The following MFHAS1 variants were observed in gnomAD, a reference collection of about 807,000 sequenced individuals.
MFHAS1 encodes multifunctional ROCO family signaling regulator 1, also known as malignant fibrous histiocytoma-amplified sequence 1.
In MFHAS1, 50 loss-of-function variants were observed where a neutral mutation model predicts 70.4. The ratio of observed to expected loss-of-function variants is 0.71; its 90% CI spans 0.57 to 0.90. The LOEUF is 0.90. Ranked by LOEUF, MFHAS1 falls within the 40% of genes least tolerant of loss-of-function variation. MFHAS1 has a pLI of 0.00. For synonymous variants in MFHAS1, 952 were observed against 620.0 expected (o/e 1.54, Z -7.96); for missense variants, 1,795 against 1,347.6 (o/e 1.33, Z -5.20).
intron 1 of MFHAS1, among the ~76,000 whole-genome samples, chr8:8,845,317 A>G (rs907180): frequency 0.51 from 76,969 of 152,092 alleles, 20,060 homozygotes; most frequent in East Asian, 0.73. Context: ...ATCAATACCA[A>G]TATTGGCAAG....
chr8:8,807,625 C>G (rs1375135734), intron 1 of MFHAS1, among the ~76,000 whole-genome samples: 2 of 152,160 alleles, frequency 1.3e-5, no homozygotes, highest in African/African-American at 4.8e-5. Context: ...GTACCCCCTA[C>G]AATGAAAAGA....
rs1318657831 is a variant in MFHAS1, at chr8:8,892,291, C to G, written c.768G>C (p.Met256Ile). Reference protein sequence around the residue: ...FCELASLESLMLDNNGLQALP... With the variant: ...FCELASLESLILDNNGLQALP... ...GAGCCTGCAGCCCGTTGTTGTCTAG[C>G]ATGAGGCTCTCCAAACTGGCCAGCT... The change falls in exon 1 of 3, where the codon ATG becomes ATC. Residue 256 changes from methionine to isoleucine, a missense_variant. Physicochemically the swap from Met to Ile is conservative, Grantham distance 10. Coordinates refer to ENST00000276282, the MANE Select transcript of MFHAS1 (RefSeq NM_004225.3). This position sits in a 1 kb window ranked among gnomAD's most constrained non-coding sequence, Gnocchi z 4.7. The G allele has an allele frequency of 6.2e-7, 1 of 1,612,480 alleles. No individual in the cohort carries two copies. The highest frequency in any genetic ancestry group is 1.1e-5 in the South Asian group (1 of 91,080).
chr8:8,796,217 C>G (rs1805888068), intron 2 of MFHAS1, among the ~76,000 whole-genome samples: 1 of 152,116 alleles, frequency 6.6e-6, no homozygotes. Context: ...TCTTCAAGTC[C>G]ATTTTGGGGC....
At chr8:8,802,594 C>T (rs1331781407) in intron 1 of MFHAS1, among the ~76,000 whole-genome samples, 1 of 152,184 alleles carries the variant, frequency 6.6e-6, no homozygotes, top group African/African-American at 2.4e-5. Context: ...ATTTCTGTTC[C>T]TTATAAGCTA....
chr8:8,861,332 T>G (rs1298361429), intron 1 of MFHAS1, among the ~76,000 whole-genome samples: 1 of 152,234 alleles, frequency 6.6e-6, no homozygotes, highest in Non-Finnish European at 1.5e-5. Context: ...AAATTGCTGC[T>G]TTTGTAGGTC....
At chr8:8,846,532 G>C (rs1421715869) in intron 1 of MFHAS1, among the ~76,000 whole-genome samples, 1 of 152,082 alleles carries the variant, frequency 6.6e-6, no homozygotes, top group African/African-American at 2.4e-5. Flanking sequence ...TTTAAAACTA[G>C]TTCATTTAAA....
intron 1 of MFHAS1, among the ~76,000 whole-genome samples, chr8:8,841,931 G>C (rs748804340): frequency 1.3e-5 from 2 of 152,180 alleles, no homozygotes; most frequent in Non-Finnish European, 2.9e-5. Context: ...TGTGTGTTCT[G>C]CATTAGCTCC....
At chr8:8,832,704 C>T (rs1319537681) in intron 1 of MFHAS1, among the ~76,000 whole-genome samples, 3 of 143,330 alleles carry the variant, frequency 2.1e-5, no homozygotes, top group Non-Finnish European at 3.0e-5. Context: ...TCATAGCTGA[C>T]GGCCACCTTG....
At chr8:8,833,000 T>C (rs1373616701) in intron 1 of MFHAS1, among the ~76,000 whole-genome samples, 1 of 152,114 alleles carries the variant, frequency 6.6e-6, no homozygotes, top group East Asian at 1.9e-4. Flanking sequence ...AGCATCTGCT[T>C]CTAGGAGGGC....
Position 8,798,805 on chromosome 8 carries a change from T to C in MFHAS1, c.2999-1314A>G, listed in dbSNP as rs923144116. On this transcript the variant is annotated intron_variant, in intron 1 of 2. Transcript: ENST00000276282. The stretch of plus-strand genomic sequence containing the variant: ...GGCTCACACCTGCAATCCTAGCAGT[T>C]TGGAAGGCTGAGGCAGGTGGATCAC... 2.6e-5 allele frequency among the ~76,000 whole-genome samples: 4 copies of C among 152,060 alleles called. No individual in the cohort carries two copies. The East Asian group carries it at 7.7e-4, about 29-fold the overall frequency.
At chr8:8,824,560 CA>C (rs1807086455) in intron 1 of MFHAS1, among the ~76,000 whole-genome samples, 2 of 113,068 alleles carry the variant, frequency 1.8e-5, no homozygotes, top group Admixed American at 1.0e-4. Context: ...CACACACACA[CA>C]CACACACCCC....
intron 1 of MFHAS1, among the ~76,000 whole-genome samples, chr8:8,851,728 G>C (rs1289367843): frequency 1.3e-5 from 2 of 152,056 alleles, no homozygotes; most frequent in African/African-American, 4.8e-5. Flanking sequence ...TTTAACTAAA[G>C]AATGTATTTA....
intron 1 of MFHAS1, among the ~76,000 whole-genome samples, chr8:8,823,216 C>T (rs796457276): frequency 6.6e-6 from 1 of 152,172 alleles, no homozygotes; most frequent in South Asian, 2.1e-4. Flanking sequence ...TTCTCATTAA[C>T]TGTAAATGTT....
chr8:8,813,156 C>A (rs993990633), intron 1 of MFHAS1, among the ~76,000 whole-genome samples: 1 of 152,182 alleles, frequency 6.6e-6, no homozygotes, highest in African/African-American at 2.4e-5. Flanking sequence ...ATTCTTATCA[C>A]CTAGTGATGT....
chr8:8,824,066 A>G (rs1396181745), intron 1 of MFHAS1, among the ~76,000 whole-genome samples: 1 of 151,164 alleles, frequency 6.6e-6, no homozygotes, highest in Non-Finnish European at 1.5e-5. Context: ...CTAGGAGCTC[A>G]GGCTACCTGC....
In MFHAS1 at chr8:8,891,366, C is replaced by A. The variant is rs201875377; in HGVS notation, c.1693G>T (p.Asp565Tyr). ...HRQIALQEKH[D>Y]AEGLSRLAKV... Reference sequence around the variant, plus strand: ...GCCAAGCGGCTCAGTCCCTCCGCGTCGTGCTTCTCCTGCAGGGCGATCTGG... The same window carrying A: ...GCCAAGCGGCTCAGTCCCTCCGCGTAGTGCTTCTCCTGCAGGGCGATCTGG... Residue 565 changes from aspartate to tyrosine, a missense_variant, in exon 1 of 3, where the codon GAC becomes TAC. Coordinates refer to ENST00000276282, the MANE Select transcript of MFHAS1 (RefSeq NM_004225.3). The surrounding 1 kb of genome is among the most constrained non-coding windows in gnomAD (Gnocchi z 5.4). The A allele has an allele frequency of 3.2e-5, 52 of 1,611,368 alleles. 2 individuals carry two copies. In the South Asian group the frequency reaches 3.8e-4, roughly 12 times the overall value.
At chr8:8,876,529 G>A (rs1308928356) in intron 1 of MFHAS1, among the ~76,000 whole-genome samples, 1 of 151,988 alleles carries the variant, frequency 6.6e-6, no homozygotes, top group African/African-American at 2.4e-5. Flanking sequence ...CAGGTCAGCA[G>A]TTCGAGACCA....
chr8:8,883,789 T>C (rs930999003), intron 1 of MFHAS1, among the ~76,000 whole-genome samples: 2 of 146,496 alleles, frequency 1.4e-5, no homozygotes, highest in African/African-American at 5.1e-5. Context: ...AAAACAGAAA[T>C]GTCCAATTCC....
At chr8:8,801,671 T>C (rs904381740) in intron 1 of MFHAS1, among the ~76,000 whole-genome samples, 3 of 152,224 alleles carry the variant, frequency 2.0e-5, no homozygotes, top group Non-Finnish European at 4.4e-5. Flanking sequence ...ATAAACTTGA[T>C]CTTCAAAATA....
Sources: gnomAD v4.1 joint callset for allele counts (sites outside exome capture counted in the v4.1 genomes callset) on GRCh38, gnomAD v4.1.1 for gene constraint, Gnocchi (gnomAD v3.1) non-coding constraint, MANE v1.5 for transcripts, NCBI Gene and HGNC (gene_info 2026-07-23, HGNC 2026-07-21) for gene names.